COL8A1: variants seen among roughly 807,000 people sequenced by gnomAD.
COL8A1 encodes collagen type VIII alpha 1 chain.
A neutral mutation model predicts 42.7 loss-of-function variants in COL8A1; 21 were observed. The ratio of observed to expected loss-of-function variants is 0.49; its 90% CI spans 0.35 to 0.71. COL8A1 has a LOEUF of 0.71. COL8A1 is among the 30% of genes least tolerant of loss of function. The pLI, the probability that COL8A1 is intolerant of heterozygous loss-of-function variation, is 0.01. For synonymous variants in COL8A1, 367 were observed against 369.1 expected (o/e 0.99, Z 0.06); for missense variants, 788 against 962.4 (o/e 0.82, Z 2.40).
At chr3:99,703,918 C>G (rs2107349358) in intron 1 of COL8A1, among the ~76,000 whole-genome samples, 1 of 152,256 alleles carries the variant, frequency 6.6e-6, no homozygotes, top group Non-Finnish European at 1.5e-5. Context: ...CACTTCTCAT[C>G]TATGGTTTTT....
intron 1 of COL8A1, among the ~76,000 whole-genome samples, chr3:99,687,789 A>G (rs952605884): frequency 6.6e-6 from 1 of 152,224 alleles, no homozygotes; most frequent in Non-Finnish European, 1.5e-5. Flanking sequence ...TAATGAAACC[A>G]TTTAAGCAAG....
chr3:99,734,405 G>A (rs1407843845), intron 1 of COL8A1, among the ~76,000 whole-genome samples: 1 of 148,548 alleles, frequency 6.7e-6, no homozygotes, highest in African/African-American at 2.5e-5. Flanking sequence ...ATTAAATAGG[G>A]AATCCTTTCC....
rs188928134 is a variant in COL8A1, at chr3:99,797,336, G to A, written c.*1200G>A. 1 of 152,108 alleles carries A rather than the reference G, an allele frequency of 6.6e-6. No homozygotes were observed. Among genetic ancestry groups the A allele is most frequent in the African/African-American group, 2.4e-5 (1 of 41,480 alleles). The allele number at this position is 152,108 out of a possible 1,614,324, so 9.4% of individuals were successfully genotyped here. On this transcript the variant is annotated 3_prime_UTR_variant, in exon 4 of 4. Coordinates refer to ENST00000652472, the MANE Select transcript of COL8A1 (RefSeq NM_020351.4). ...CACCCAGGCTGGAGTGCAGTAGCACGATCTTGGCTTACTGCAACCTCTACC... is the reference window on the plus strand; with the variant it reads ...CACCCAGGCTGGAGTGCAGTAGCACAATCTTGGCTTACTGCAACCTCTACC...
intron 1 of COL8A1, among the ~76,000 whole-genome samples, chr3:99,732,588 CT>C (rs993718835): frequency 6.6e-6 from 1 of 152,144 alleles, no homozygotes; most frequent in African/African-American, 2.4e-5. Context: ...TTACCTTCCC[CT>C]GGGTCCCTCC....
intron 1 of COL8A1, among the ~76,000 whole-genome samples, chr3:99,684,245 TA>T (rs1938980612): frequency 6.6e-6 from 1 of 152,200 alleles, no homozygotes; most frequent in African/African-American, 2.4e-5. Context: ...GGGTGCCTAG[TA>T]CTGTACTGGA....
intron 1 of COL8A1, among the ~76,000 whole-genome samples, chr3:99,664,073 A>G (rs1576419831): frequency 1.3e-5 from 2 of 152,320 alleles, no homozygotes; most frequent in Non-Finnish European, 2.9e-5. Flanking sequence ...GAGTCTATCC[A>G]TGGGACCAAA....
chr3:99,682,939 T>G (rs1204904438), intron 1 of COL8A1, among the ~76,000 whole-genome samples: 1 of 152,216 alleles, frequency 6.6e-6, no homozygotes, highest in East Asian at 1.9e-4. Context: ...CTCGCTGACA[T>G]TAAGTGTGAA....
chr3:99,685,358 A>T (rs534840411), intron 1 of COL8A1: 2 of 152,338 alleles, frequency 1.3e-5, no homozygotes, highest in South Asian at 4.1e-4. Context: ...ATGAAATAAT[A>T]TTATTAGTCA....
At chr3:99,734,748 C>T in intron 1 of COL8A1, among the ~76,000 whole-genome samples, 1 of 151,776 alleles carries the variant, frequency 6.6e-6, no homozygotes, top group Non-Finnish European at 1.5e-5. Context: ...GGCAGTATGG[C>T]CATTTTCACG....
At chr3:99,694,218 C>T (rs964277200) in intron 1 of COL8A1, among the ~76,000 whole-genome samples, 1 of 152,124 alleles carries the variant, frequency 6.6e-6, no homozygotes, top group Non-Finnish European at 1.5e-5. Flanking sequence ...TGCAGTGGCT[C>T]ACACCTGTAA....
chr3:99,655,268 T>C (rs1257170455), intron 1 of COL8A1, among the ~76,000 whole-genome samples: 1 of 152,084 alleles, frequency 6.6e-6, no homozygotes, highest in Non-Finnish European at 1.5e-5. Context: ...TCAAGACCCA[T>C]CCCACCCACT....
intron 1 of COL8A1, among the ~76,000 whole-genome samples, chr3:99,672,031 G>A (rs936043352): frequency 1.3e-5 from 2 of 151,972 alleles, no homozygotes; most frequent in African/African-American, 2.4e-5. Flanking sequence ...ACACACTATT[G>A]AATTATGCTG....
chr3:99,649,675 G>A (rs1020089630), intron 1 of COL8A1, among the ~76,000 whole-genome samples: 11 of 152,034 alleles, frequency 7.2e-5, no homozygotes, highest in African/African-American at 2.7e-4. Flanking sequence ...CCAGTCTTCC[G>A]TGTGGTTTTC....
chr3:99,758,382 G>A (rs977802680), intron 2 of COL8A1, among the ~76,000 whole-genome samples: 2 of 152,124 alleles, frequency 1.3e-5, no homozygotes, highest in Non-Finnish European at 2.9e-5. Flanking sequence ...AGTTAGCCCT[G>A]AGGAGTTCAG....
chr3:99,753,580 A>T (rs1297426675), intron 2 of COL8A1, among the ~76,000 whole-genome samples: 1 of 152,186 alleles, frequency 6.6e-6, no homozygotes, highest in Non-Finnish European at 1.5e-5. Context: ...ATTGCCATCT[A>T]GTGATGACTT....
intron 3 of COL8A1, among the ~76,000 whole-genome samples, chr3:99,792,949 C>A (rs1227257978): frequency 6.6e-6 from 1 of 152,138 alleles, no homozygotes; most frequent in African/African-American, 2.4e-5. Flanking sequence ...TATTTCACAT[C>A]ATACTGTATT....
intron 1 of COL8A1, among the ~76,000 whole-genome samples, chr3:99,717,150 T>A (rs567144827): frequency 6.6e-6 from 1 of 152,200 alleles, no homozygotes; most frequent in South Asian, 2.1e-4. Context: ...GTAATATCTC[T>A]GTTTTGTGCT....
intron 2 of COL8A1, among the ~76,000 whole-genome samples, chr3:99,761,683 T>C (rs1941366860): frequency 6.6e-6 from 1 of 152,092 alleles, no homozygotes; most frequent in Non-Finnish European, 1.5e-5. Flanking sequence ...GGGACAAAAA[T>C]GGAGTCCTTC....
At chr3:99,754,288 C>T (rs1941211360) in intron 2 of COL8A1, among the ~76,000 whole-genome samples, 1 of 152,096 alleles carries the variant, frequency 6.6e-6, no homozygotes, top group Admixed American at 6.6e-5. Context: ...AAAAATAAAA[C>T]CATAGTTTAC....
Sources: gnomAD v4.1 joint callset for allele counts (sites outside exome capture counted in the v4.1 genomes callset) on GRCh38, gnomAD v4.1.1 for gene constraint, MANE v1.5 for transcripts, NCBI Gene and HGNC (gene_info 2026-07-23, HGNC 2026-07-21) for gene names.